ESRRB: variants seen among roughly 807,000 people sequenced by gnomAD.
ESRRB encodes the protein steroid hormone receptor ERR2.
A neutral mutation model predicts 46.0 loss-of-function variants in ESRRB; 16 were observed. The ratio of observed to expected loss-of-function variants is 0.35; its 90% CI spans 0.24 to 0.53. ESRRB has a LOEUF of 0.53. ESRRB is among the 20% of genes least tolerant of loss of function. The probability of loss-of-function intolerance (pLI) is 0.93; values close to 1 mark genes in which losing one functional copy is unlikely to be tolerated. For missense variants in ESRRB, 488 were observed against 607.4 expected (o/e 0.80, Z 2.07); for synonymous variants, 246 against 259.6 (o/e 0.95, Z 0.50).
chr14:76,427,014 C>T (rs1887231877), intron 1 of ESRRB, among the ~76,000 whole-genome samples: 1 of 152,204 alleles, frequency 6.6e-6, no homozygotes, highest in African/African-American at 2.4e-5. Flanking sequence ...TTCACCTGAA[C>T]AGAGATGCTG....
intron 1 of ESRRB, chr14:76,311,045 C>A: frequency 2.6e-6 from 1 of 386,258 alleles, no homozygotes; most frequent in Non-Finnish European, 5.1e-6. Context: ...TCTCCCCATG[C>A]CTGTTCTTTC....
At chr14:76,328,040 C>T (rs540457104) in intron 1 of ESRRB, among the ~76,000 whole-genome samples, 2 of 152,246 alleles carry the variant, frequency 1.3e-5, no homozygotes, top group South Asian at 4.1e-4. Flanking sequence ...CCTTGTACTG[C>T]ACTTCAGCCC....
At chr14:76,333,813 A>G (rs1358678026) in intron 1 of ESRRB, among the ~76,000 whole-genome samples, 3 of 152,104 alleles carry the variant, frequency 2.0e-5, no homozygotes, top group Non-Finnish European at 4.4e-5. Flanking sequence ...CACTTCCAGT[A>G]CTTCCCAGTG....
At chr14:76,420,304 G>A (rs966125886) in intron 1 of ESRRB, among the ~76,000 whole-genome samples, 4 of 152,268 alleles carry the variant, frequency 2.6e-5, no homozygotes, top group South Asian at 2.1e-4. Context: ...TCCAGGAAGG[G>A]ACAAAGAATG....
chr14:76,360,397 G>A (rs1209407246), intron 1 of ESRRB, among the ~76,000 whole-genome samples: 1 of 149,780 alleles, frequency 6.7e-6, no homozygotes, highest in Non-Finnish European at 1.5e-5. Flanking sequence ...ACTGGAAGGA[G>A]AGGGAGAGGG....
intron 1 of ESRRB, among the ~76,000 whole-genome samples, chr14:76,377,418 G>T (rs1884819726): frequency 6.6e-6 from 1 of 152,204 alleles, no homozygotes; most frequent in African/African-American, 2.4e-5. Context: ...ACCTGCCCGG[G>T]TCTCCCCTTG....
In ESRRB at chr14:76,357,601, T is replaced by C. The variant is rs1290580087; in HGVS notation, c.2+46685T>C. Among the ~76,000 whole-genome samples the C allele has an allele frequency of 3.3e-5, 5 of 152,182 alleles. No individual in the cohort carries two copies. The East Asian group carries it at 9.6e-4, about 29-fold the overall frequency. On this transcript the variant is annotated intron_variant, in intron 1 of 6. Transcript: ENST00000512784. ...TGATCACAGCTCACTGTAGCCTTGA[T>C]CTCCTGGACTCAAATGATTCTTCTG...
intron 1 of ESRRB, among the ~76,000 whole-genome samples, chr14:76,415,416 C>T (rs1396885488): frequency 1.3e-5 from 2 of 152,142 alleles, no homozygotes; most frequent in Non-Finnish European, 2.9e-5. Context: ...AATCCCAGCA[C>T]TTTGGGAGGC....
intron 5 of ESRRB, among the ~76,000 whole-genome samples, chr14:76,488,612 G>A (rs958234533): frequency 2.6e-5 from 4 of 152,126 alleles, no homozygotes; most frequent in Non-Finnish European, 5.9e-5. Context: ...AAGTTTTGTC[G>A]GGCAGCTTCT....
At chr14:76,446,257 T>C (rs1888140591) in intron 2 of ESRRB, among the ~76,000 whole-genome samples, 1 of 152,230 alleles carries the variant, frequency 6.6e-6, no homozygotes, top group Admixed American at 6.5e-5. Flanking sequence ...CTAGGCAGAT[T>C]CAGTCTCCTG....
At chr14:76,461,703 A>G (rs60554446) in intron 2 of ESRRB, among the ~76,000 whole-genome samples, 48,899 of 151,614 alleles carry the variant, frequency 0.32, 8,989 homozygotes, top group African/African-American at 0.51. Flanking sequence ...TAGAGACGGC[A>G]TTTCACCATA....
chr14:76,358,387 GAAAGAAAGAAAGAAAGAAAGAAAGA>G (rs1884420476), intron 1 of ESRRB, among the ~76,000 whole-genome samples: 1 of 58,368 alleles, frequency 1.7e-5, no homozygotes, highest in South Asian at 4.9e-4. Context: ...AAGAAAGAAA[GAAAGAAAGAAAGAAAGAAAGAAAGA>G]AAAGAAAAGA....
chr14:76,318,479 T>C (rs1883828147), intron 1 of ESRRB, among the ~76,000 whole-genome samples: 1 of 152,206 alleles, frequency 6.6e-6, no homozygotes, highest in South Asian at 2.1e-4. Flanking sequence ...CCCCTAATGG[T>C]GACCTCCATG....
chr14:76,488,272 T>G (rs1404847667), intron 5 of ESRRB, among the ~76,000 whole-genome samples: 1 of 152,208 alleles, frequency 6.6e-6, no homozygotes, highest in Non-Finnish European at 1.5e-5. Context: ...CTTTGGATTA[T>G]CAAAGCTATT....
At chr14:76,342,722 G>C (rs2139752652) in intron 1 of ESRRB, among the ~76,000 whole-genome samples, 1 of 152,324 alleles carries the variant, frequency 6.6e-6, no homozygotes, top group Middle Eastern at 3.4e-3. Flanking sequence ...GTTGGATGTT[G>C]ACCACTTAGC....
chr14:76,378,397 A>G (rs1047256697), intron 1 of ESRRB, among the ~76,000 whole-genome samples: 1 of 152,204 alleles, frequency 6.6e-6, no homozygotes, highest in African/African-American at 2.4e-5. Context: ...AGCAGAAGGA[A>G]GTCAGGGAGC....
intron 2 of ESRRB, among the ~76,000 whole-genome samples, chr14:76,449,761 C>CT (rs79764142): frequency 0.05 from 6,316 of 126,196 alleles, 335 homozygotes; most frequent in African/African-American, 0.12. Flanking sequence ...TTTTTCTTTC[C>CT]TTTTTTTTTT....
At chr14:76,329,702 C>A (rs1395751346) in intron 1 of ESRRB, among the ~76,000 whole-genome samples, 8 of 152,112 alleles carry the variant, frequency 5.3e-5, no homozygotes, top group Non-Finnish European at 1.2e-4. Context: ...CACTCACATG[C>A]ACACGCTGCC....
upstream of ESRRB, among the ~76,000 whole-genome samples, chr14:76,374,831 C>T (rs1446905187): frequency 6.6e-6 from 1 of 152,166 alleles, no homozygotes; most frequent in Non-Finnish European, 1.5e-5. Context: ...TGTTCCTCCA[C>T]TTCAGCACAT....
Sources: allele counts gnomAD v4.1 joint callset (sites outside exome capture counted in the v4.1 genomes callset), GRCh38; gene constraint gnomAD v4.1.1; transcripts MANE v1.5; gene names NCBI Gene and HGNC (gene_info 2026-07-23, HGNC 2026-07-21).